SIRT5: variants seen among roughly 807,000 people sequenced by gnomAD.
SIRT5 encodes sirtuin 5.
SIRT5 carries 26 observed loss-of-function variants against 40.0 expected under a neutral mutation model. The observed-to-expected ratio is 0.65, with a 90% confidence interval of 0.48 to 0.90. The LOEUF is 0.90. Among genes scored for constraint, SIRT5 ranks in the 40% least tolerant of loss-of-function variants. SIRT5 has a pLI of 0.00. For synonymous variants in SIRT5, 146 were observed against 149.1 expected (o/e 0.98, Z 0.15); for missense variants, 401 against 402.4 (o/e 1.00, Z 0.03).
chr6:13,611,978 G>C lies in SIRT5; in HGVS notation c.*113G>C. 1.0e-6 allele frequency: 1 copy of C among 982,988 alleles called. No homozygotes were observed. The highest frequency in any genetic ancestry group is 1.5e-6 in the Non-Finnish European group (1 of 652,916). The allele number at this position is 982,988 out of a possible 1,614,324, so 60.9% of individuals were successfully genotyped here. ...ACTGAACAATCTAAAAATAGCCTCT[G>C]ATTCCCTCGCTGGAATCCAACCTGT... On this transcript the variant is annotated 3_prime_UTR_variant, in exon 10 of 10. Coordinates refer to ENST00000606117, the MANE Select transcript of SIRT5 (RefSeq NM_012241.5).
intron 9 of SIRT5, chr6:13,605,201 A>C: frequency 1.0e-6 from 1 of 980,878 alleles, no homozygotes; most frequent in Non-Finnish European, 1.2e-6. Context: ...CTGTGGGCCA[A>C]ATTTGCCCAC....
chr6:13,593,372 G>A (rs536252207), intron 5 of SIRT5, among the ~76,000 whole-genome samples: 1 of 152,108 alleles, frequency 6.6e-6, no homozygotes, highest in East Asian at 1.9e-4. Context: ...TGTTCATCAG[G>A]AACAGCCAGC....
Position 13,615,154 on chromosome 6 carries a change from G to A in SIRT5, c.*3289G>A, listed in dbSNP as rs144886419. Reference sequence around the variant, plus strand: ...TCGCCGGCAGAGCATTTTCCGTGGGGTCCATCCGGCTCCAAGGCGGCCTGC... The same window carrying A: ...TCGCCGGCAGAGCATTTTCCGTGGGATCCATCCGGCTCCAAGGCGGCCTGC... On this transcript the variant is annotated 3_prime_UTR_variant, in exon 10 of 10. Transcript: ENST00000606117. The A allele has an allele frequency of 2.2e-4, 121 of 543,984 alleles. No homozygotes were observed. The highest frequency in any genetic ancestry group is 2.0e-3 in the African/African-American group (102 of 50,104). The allele number at this position is 543,984 out of a possible 1,614,324, so 33.7% of individuals were successfully genotyped here.
intron 3 of SIRT5, among the ~76,000 whole-genome samples, 181 bp downstream of exon 3, chr6:13,584,406 G>A (rs939099514): frequency 2.0e-5 from 3 of 151,952 alleles, no homozygotes; most frequent in Non-Finnish European, 4.4e-5. Flanking sequence ...GCTGGAGTGC[G>A]GTGGTGCGAC....
At chr6:13,600,157 T>C (rs746578533) in intron 8 of SIRT5, among the ~76,000 whole-genome samples, 12 of 152,244 alleles carry the variant, frequency 7.9e-5, no homozygotes, top group Admixed American at 1.3e-4. Flanking sequence ...GTGGGATTCA[T>C]TGGACAGATT....
intron 6 of SIRT5, among the ~76,000 whole-genome samples, chr6:13,596,355 A>G (rs1017179428): frequency 1.3e-5 from 2 of 152,232 alleles, no homozygotes; most frequent in Non-Finnish European, 2.9e-5. Flanking sequence ...TAAGGACTAT[A>G]TAATGTCATT....
At position 13,599,145 on chromosome 6, in the gene SIRT5, T is replaced by C. The variant is rs746008853; in HGVS notation, c.731T>C (p.Leu244Ser). ...GACAGAGAGCTCGCCCACTGTGATTTATGTCTAGTGGTGGGTCATGCCCTT... is the reference window on the plus strand; with the variant it reads ...GACAGAGAGCTCGCCCACTGTGATTCATGTCTAGTGGTGGGTCATGCCCTT... Reference protein sequence around the residue: ...EVDRELAHCDLCLVVGTSSVV... With the variant: ...EVDRELAHCDSCLVVGTSSVV... Residue 244 changes from leucine to serine, a missense_variant, in exon 8 of 10, where the codon TTA becomes TCA. Coordinates refer to ENST00000606117, the MANE Select transcript of SIRT5 (RefSeq NM_012241.5). 2 of 1,613,920 alleles carry C rather than the reference T, an allele frequency of 1.2e-6. No homozygotes were observed. The highest frequency in any genetic ancestry group is 2.2e-5 in the South Asian group (2 of 91,012).
Position 13,593,817 on chromosome 6 carries a change from TA to T in SIRT5, c.476-1657del, listed in dbSNP as rs200099353. Among the ~76,000 whole-genome samples, 565 of 152,302 alleles carry T rather than the reference TA, an allele frequency of 3.7e-3. 14 individuals carry two copies. Among genetic ancestry groups the T allele is most frequent in the Admixed American group, 0.03 (455 of 15,296 alleles). On this transcript the variant is annotated intron_variant, in intron 5 of 9. Coordinates refer to ENST00000606117, the MANE Select transcript of SIRT5 (RefSeq NM_012241.5). ...GAAATTATATCTTTCCAGGCATACA[TA>T]AAGTATGAGTATGATAAACTGGTCC... is the stretch of plus-strand genomic sequence containing the variant.
chr6:13,610,575 C>T (rs1319820407), intron 9 of SIRT5, among the ~76,000 whole-genome samples: 1 of 152,152 alleles, frequency 6.6e-6, no homozygotes, highest in East Asian at 1.9e-4. Context: ...AGGGGTCCAG[C>T]TTGCTTTTGT....
At chr6:13,611,236 T>TATATATAC (rs1349879809) in intron 9 of SIRT5, among the ~76,000 whole-genome samples, 3 of 92,970 alleles carry the variant, frequency 3.2e-5, no homozygotes, top group East Asian at 2.3e-4. Context: ...TATATATATA[T>TATATATAC]ACACACACAC....
chr6:13,611,660 A>G, intron 9 of SIRT5, 130 bp from the exon 10 acceptor site: 3 of 714,670 alleles, frequency 4.2e-6, no homozygotes, highest in Non-Finnish European at 7.7e-6. Flanking sequence ...ATGGAAATTC[A>G]TAATACCATC....
intron 9 of SIRT5, among the ~76,000 whole-genome samples, chr6:13,603,170 G>A (rs948365502): frequency 8.6e-5 from 13 of 151,704 alleles, no homozygotes; most frequent in Non-Finnish European, 1.5e-4. Flanking sequence ...CCAGCTACTC[G>A]GGAGGCTGAG....
chr6:13,580,260 A>G (rs1759165179), intron 2 of SIRT5, among the ~76,000 whole-genome samples: 1 of 152,204 alleles, frequency 6.6e-6, no homozygotes, highest in South Asian at 2.1e-4. Context: ...TTTTGATTGC[A>G]GAAGAGACAG....
Position 13,595,526 on chromosome 6 carries a change from T to A in SIRT5, c.525T>A (p.Asn175Lys). Residue 175 changes from asparagine (N) to lysine (K), a missense_variant, in exon 6 of 10, where the codon AAT becomes AAA. Transcript: ENST00000606117. ...RCTSCGVVAE[N>K]YKSPICPALS... The stretch of plus-strand genomic sequence containing the variant: ...CCTCTTGTGGAGTTGTGGCTGAGAA[T>A]TACAAGAGTCCAATTTGTCCAGCTT... 2 of 1,614,120 alleles carry A rather than the reference T, an allele frequency of 1.2e-6. No individual in the cohort carries two copies. The highest frequency in any genetic ancestry group is 1.7e-6 in the Non-Finnish European group (2 of 1,179,974).
chr6:13,576,915 C>T (rs892347636), intron 1 of SIRT5, among the ~76,000 whole-genome samples: 10 of 152,178 alleles, frequency 6.6e-5, no homozygotes, highest in South Asian at 4.1e-4. Flanking sequence ...CTTTCCTTTT[C>T]CCATTGTGTG....
intron 9 of SIRT5, among the ~76,000 whole-genome samples, chr6:13,608,048 A>G (rs1584872109): frequency 6.6e-6 from 1 of 152,206 alleles, no homozygotes; most frequent in East Asian, 1.9e-4. Context: ...GGTGTGAGCC[A>G]CTGTGCCTGG....
chr6:13,580,653 C>T (rs2841509), intron 2 of SIRT5, among the ~76,000 whole-genome samples: 47,339 of 151,930 alleles, frequency 0.31, 7,480 homozygotes, highest in Admixed American at 0.33. Context: ...CTCTTTCTCC[C>T]TCACTCTCGC....
At chr6:13,592,827 C>T (rs1399440044) in intron 5 of SIRT5, among the ~76,000 whole-genome samples, 3 of 152,058 alleles carry the variant, frequency 2.0e-5, no homozygotes, top group Admixed American at 2.0e-4. Flanking sequence ...CCCCCAAGGC[C>T]ATTTGCATTT....
chr6:13,605,564 C>T, intron 9 of SIRT5: 1 of 985,422 alleles, frequency 1.0e-6, no homozygotes, highest in African/African-American at 1.7e-5. Context: ...TGCCCCAGTT[C>T]TAATCTAGTG....
Sources: allele counts gnomAD v4.1 joint callset (sites outside exome capture counted in the v4.1 genomes callset), GRCh38; gene constraint gnomAD v4.1.1; transcripts MANE v1.5; gene names NCBI Gene and HGNC (gene_info 2026-07-23, HGNC 2026-07-21).